Variants in HERC3 observed in about 807,000 individuals in gnomAD.
HERC3 encodes the protein HECT and RLD domain containing E3 ubiquitin protein ligase 3.
A neutral mutation model predicts 129.9 loss-of-function variants in HERC3; 58 were observed. That is an observed-to-expected ratio of 0.45 (90% CI 0.36 to 0.56). The LOEUF (loss-of-function observed/expected upper bound fraction) is 0.56, where lower values mean the gene tolerates loss of function less well. HERC3 is among the 20% of genes least tolerant of loss of function. The pLI is 0.00. For synonymous variants in HERC3, 430 were observed against 451.0 expected (o/e 0.95, Z 0.59); for missense variants, 835 against 1,244.2 (o/e 0.67, Z 4.95).
chr4:88,661,271 A>G (rs1280460643), intron 10 of HERC3, among the ~76,000 whole-genome samples: 5 of 152,204 alleles, frequency 3.3e-5, no homozygotes, highest in Admixed American at 3.3e-4. Flanking sequence ...GTACTTCAAG[A>G]TGATTTTTGT....
At chr4:88,640,855 A>G (rs1728013069) in intron 3 of HERC3, among the ~76,000 whole-genome samples, 1 of 152,214 alleles carries the variant, frequency 6.6e-6, no homozygotes, top group African/African-American at 2.4e-5. Flanking sequence ...GGAAAAATAG[A>G]CAAATCTAAA....
chr4:88,535,492 C>G, the HERC3 span, among the ~76,000 whole-genome samples: 5 of 152,130 alleles, frequency 3.3e-5, no homozygotes, highest in Admixed American at 2.0e-4. Context: ...AATTTACTAT[C>G]CACTCACCTA....
chr4:88,651,970 G>T (rs1489311985), intron 4 of HERC3, 42 bp from the exon 5 acceptor site: 1 of 1,228,786 alleles, frequency 8.1e-7, no homozygotes, highest in Admixed American at 1.7e-5. Flanking sequence ...TTGTGTTTGT[G>T]TGTGAATATC....
At chr4:88,706,706 A>G (rs910835190) in intron 25 of HERC3, 46 bp from the exon 26 acceptor site, 5 of 1,526,184 alleles carry the variant, frequency 3.3e-6, no homozygotes, top group African/African-American at 1.4e-5. Context: ...TCTGAGATCC[A>G]TTTTCCGTTT....
intron 3 of HERC3, among the ~76,000 whole-genome samples, chr4:88,634,144 C>G (rs1222454118): frequency 6.6e-6 from 1 of 152,140 alleles, no homozygotes; most frequent in Non-Finnish European, 1.5e-5. Context: ...GAGCCCCCAC[C>G]CTTAGCTGAG....
At chr4:88,580,649 G>T in the HERC3 span, among the ~76,000 whole-genome samples, 1 of 152,208 alleles carries the variant, frequency 6.6e-6, no homozygotes, top group East Asian at 1.9e-4. Flanking sequence ...GTTTGATTTT[G>T]GGTCTTCAGG....
In HERC3 at chr4:88,706,819, C is replaced by A. The variant is rs372455180; in HGVS notation, c.3012C>A (p.Ser1004=). The part of the protein sequence containing the change: ...GMASLQIVIQ[S]TASGEEYLPV... ...CCAGTCTGCAGATTGTCATCCAGTC[C>A]ACAGCCAGCGGGGAGGAGTACTTGC... The change falls in exon 26 of 26, where the codon TCC becomes TCA. Residue 1004 remains serine (S), a synonymous_variant. Transcript: ENST00000402738. The A allele has an allele frequency of 6.2e-6, 10 of 1,614,156 alleles. No individual in the cohort carries two copies. In the African/African-American group the frequency reaches 1.3e-4, roughly 22 times the overall value.
chr4:88,700,971 A>G (rs2149347002), intron 23 of HERC3, among the ~76,000 whole-genome samples: 1 of 152,296 alleles, frequency 6.6e-6, no homozygotes, highest in East Asian at 1.9e-4. Context: ...ATGAATTTAA[A>G]TGTTCATCCC....
intron 7 of HERC3, among the ~76,000 whole-genome samples, chr4:88,654,539 TTTTA>T (rs534577811): frequency 3.4e-4 from 51 of 147,890 alleles, no homozygotes; most frequent in African/African-American, 1.2e-3. Context: ...ACTTTGTTAT[TTTTA>T]TTTGTTATTT....
intron 3 of HERC3, among the ~76,000 whole-genome samples, chr4:88,607,194 T>G (rs1452016826): frequency 6.6e-6 from 1 of 151,966 alleles, no homozygotes; most frequent in African/African-American, 2.4e-5. Context: ...TGTGTGTGTG[T>G]GTATGCATGT....
Position 88,687,941 on chromosome 4 carries a change from T to C in HERC3, c.2657+642T>C, listed in dbSNP as rs1374436714. ...ACTTTTATATTAAATTATGCTAATC[T>C]GCATGAAATCAATTTACTTTACAAA... On this transcript the variant is annotated intron_variant, in intron 23 of 25. Transcript: ENST00000402738. Among the ~76,000 whole-genome samples the C allele has an allele frequency of 2.6e-5, 4 of 152,354 alleles. No homozygotes were observed. The South Asian group carries it at 6.2e-4, about 24-fold the overall frequency.
At position 88,614,332 on chromosome 4, in the gene HERC3, G is replaced by A. The variant is rs1200897712; in HGVS notation, c.226+8283G>A. On this transcript the variant is annotated intron_variant, in intron 3 of 25. Coordinates refer to ENST00000402738, the MANE Select transcript of HERC3 (RefSeq NM_014606.3). The stretch of plus-strand genomic sequence containing the variant: ...TCTTGCTTAGGTACTGACAGTTTGG[G>A]TTTAATAATCCTAGAATTTTGTTCA... 2.6e-5 allele frequency among the ~76,000 whole-genome samples: 4 copies of A among 152,104 alleles called. No individual in the cohort carries two copies. In the East Asian group the frequency reaches 5.8e-4, roughly 22 times the overall value.
chr4:88,607,464 A>G (rs1283025851), intron 3 of HERC3, among the ~76,000 whole-genome samples: 1 of 151,698 alleles, frequency 6.6e-6, no homozygotes, highest in Non-Finnish European at 1.5e-5. Context: ...TTTTCCACCT[A>G]TTTTTACATT....
chr4:88,581,455 GC>G, the HERC3 span, among the ~76,000 whole-genome samples: 1 of 142,666 alleles, frequency 7.0e-6, no homozygotes, highest in Non-Finnish European at 1.5e-5. Context: ...CCGCGACCAT[GC>G]CTGGCTAAAT....
intron 3 of HERC3, among the ~76,000 whole-genome samples, chr4:88,622,284 G>T (rs145804487): frequency 5.6e-4 from 86 of 152,226 alleles, no homozygotes; most frequent in Middle Eastern, 3.4e-3. Flanking sequence ...CATTTTCCAG[G>T]TCCATCCATG....
the HERC3 span, chr4:88,583,956 T>C: frequency 6.6e-6 from 1 of 152,242 alleles, no homozygotes; most frequent in Non-Finnish European, 1.5e-5. Context: ...ATGCCATAGC[T>C]ACACTACATT....
Position 88,606,135 on chromosome 4 carries a change from C to T in HERC3, c.226+86C>T, listed in dbSNP as rs1723595514. On this transcript the variant is annotated intron_variant, in intron 3 of 25. Transcript: ENST00000402738. ...CAGAGGGCCCAGATGGAGCTTTCTC[C>T]ACCAAGTGTTCGGTTTTCAGGGAGG... The T allele has an allele frequency of 1.1e-5, 12 of 1,075,048 alleles. No homozygotes were observed. The South Asian group carries it at 1.7e-4, about 15-fold the overall frequency. The allele number at this position is 1,075,048 out of a possible 1,614,324, so 66.6% of individuals were successfully genotyped here. A position where few individuals can be genotyped will look rare whatever the true frequency, so the allele number is the denominator to read the frequency against.
At chr4:88,599,404 T>C (rs912247456) in intron 2 of HERC3, among the ~76,000 whole-genome samples, 2 of 152,226 alleles carry the variant, frequency 1.3e-5, no homozygotes, top group African/African-American at 2.4e-5. Flanking sequence ...ATTTGACCAA[T>C]TGAAGATTCC....
intron 23 of HERC3, among the ~76,000 whole-genome samples, chr4:88,701,185 G>A (rs1735286697): frequency 1.3e-5 from 2 of 152,182 alleles, no homozygotes; most frequent in Admixed American, 1.3e-4. Flanking sequence ...GTTATATACG[G>A]TGTGAGAAAC....
Sources: allele counts gnomAD v4.1 joint callset (sites outside exome capture counted in the v4.1 genomes callset), GRCh38; gene constraint gnomAD v4.1.1; transcripts MANE v1.5; gene names NCBI Gene and HGNC (gene_info 2026-07-23, HGNC 2026-07-21).